ZNF207: variants seen among roughly 807,000 people sequenced by gnomAD.
The protein encoded by ZNF207 is BUB3-interacting and GLEBS motif-containing protein ZNF207.
Under a neutral mutation model 60.2 loss-of-function variants are expected in ZNF207, and 24 were observed. The observed-to-expected ratio is 0.40, with a 90% CI of 0.29 to 0.56. ZNF207 has a LOEUF of 0.56. Among genes scored for constraint, ZNF207 ranks in the 20% least tolerant of loss-of-function variants. The pLI is 0.49. For synonymous variants in ZNF207, 236 were observed against 194.7 expected (o/e 1.21, Z -1.77); for missense variants, 452 against 636.6 (o/e 0.71, Z 3.12).
intron 2 of ZNF207, among the ~76,000 whole-genome samples, chr17:32,357,349 TTA>T (rs1415331408): frequency 0.011 from 486 of 46,066 alleles, 11 homozygotes; most frequent in East Asian, 0.032. Flanking sequence ...ATTATTATTA[TTA>T]TTTTTTTTTT....
rs1359641447 is a variant in ZNF207 at position 32,381,266 on chromosome 17, G to GATA, written c.*11508_*11510dup. 2.0e-5 allele frequency: 3 copies of GATA among 152,184 alleles called. No individual in the cohort carries two copies. The highest frequency in any genetic ancestry group is 4.4e-5 in the Non-Finnish European group (3 of 68,024). The allele number at this position is 152,184 out of a possible 1,614,324, so 9.4% of individuals were successfully genotyped here. On this transcript the variant is annotated 3_prime_UTR_variant, in exon 12 of 12. Coordinates refer to ENST00000394670, the MANE Select transcript of ZNF207 (RefSeq NM_001098507.2). ...TATGTGAAGAGTAAGTCATACAAGG[G>GATA]ATATGATTGTAAGGAGGTCCTGAAC...
In ZNF207 at chr17:32,370,855, T is replaced by C. The variant is rs185095790; in HGVS notation, c.*1096T>C. The C allele has an allele frequency of 2.0e-5, 3 of 152,330 alleles. No homozygotes were observed. Among genetic ancestry groups the C allele is most frequent in the African/African-American group, 7.2e-5 (3 of 41,578 alleles). 9.4% of individuals were successfully genotyped at this position (152,330 alleles called of 1,614,324 possible). On this transcript the variant is annotated 3_prime_UTR_variant, in exon 12 of 12. Transcript: ENST00000394670. ...GTTAATGGGTTATTATATATTATTC[T>C]AAGTGTAATGCTGAGAATCTAAATG...
At chr17:32,357,446 T>G (rs978066248) in intron 2 of ZNF207, among the ~76,000 whole-genome samples, 1 of 150,688 alleles carries the variant, frequency 6.6e-6, no homozygotes, top group Non-Finnish European at 1.5e-5. Context: ...CCTCCCGTGT[T>G]CAAGCGATTC....
In ZNF207 at chr17:32,380,512, T is replaced by A. The variant is rs1344534185; in HGVS notation, c.*10753T>A. ...TTATTTCAGTGTCCCTTTTTAAAACTCGATGATGGCTTTCAGTTTATTTAA... is the reference window on the plus strand; with the variant it reads ...TTATTTCAGTGTCCCTTTTTAAAACACGATGATGGCTTTCAGTTTATTTAA... On this transcript the variant is annotated 3_prime_UTR_variant, in exon 12 of 12. Transcript: ENST00000394670. 6.6e-6 allele frequency: 1 copy of A among 152,212 alleles called. No individual in the cohort carries two copies. The highest frequency in any genetic ancestry group is 1.5e-5 in the Non-Finnish European group (1 of 68,038). 9.4% of individuals were successfully genotyped at this position (152,212 alleles called of 1,614,324 possible). A position where few individuals can be genotyped will look rare whatever the true frequency, so the allele number is the denominator to read the frequency against.
intron 1 of ZNF207, 169 bp downstream of exon 1, chr17:32,350,495 T>C: frequency 1.3e-6 from 1 of 798,256 alleles, no homozygotes; most frequent in Non-Finnish European, 2.1e-6. Context: ...GAAAATGGGG[T>C]TCCGAGGTCG....
chr17:32,351,649 A>G, intron 1 of ZNF207, 137 bp from the exon 2 acceptor site: 2 of 1,566,870 alleles, frequency 1.3e-6, no homozygotes, highest in Non-Finnish European at 8.6e-7. Flanking sequence ...CTAATTGTGT[A>G]ATAAATATAA....
At chr17:32,350,358 G>T in intron 1 of ZNF207, 32 bp downstream of exon 1, 1 of 1,613,842 alleles carries the variant, frequency 6.2e-7, no homozygotes, top group Non-Finnish European at 8.5e-7. Context: ...TCGAGGTCGC[G>T]TTGGGGTGCC....
Position 32,375,393 on chromosome 17 carries a change from T to C in ZNF207, c.*5634T>C, listed in dbSNP as rs1567832059. 1 of 152,154 alleles carries C rather than the reference T, an allele frequency of 6.6e-6. No homozygotes were observed. The highest frequency in any genetic ancestry group is 2.4e-5 in the African/African-American group (1 of 41,448). The allele number at this position is 152,154 out of a possible 1,614,324, so 9.4% of individuals were successfully genotyped here. On this transcript the variant is annotated 3_prime_UTR_variant, in exon 12 of 12. Coordinates refer to ENST00000394670, the MANE Select transcript of ZNF207 (RefSeq NM_001098507.2). Reference sequence around the variant, plus strand: ...TTGCTTATCTTAATTCTAATGGTGATAATTGAAAAAAGTGTGCTGGAAATA... The same window carrying C: ...TTGCTTATCTTAATTCTAATGGTGACAATTGAAAAAAGTGTGCTGGAAATA...
chr17:32,367,257 A>ATGTATATATATATG (rs1555608350), intron 9 of ZNF207, among the ~76,000 whole-genome samples: 1 of 95,874 alleles, frequency 1.0e-5, no homozygotes, highest in South Asian at 3.5e-4. Flanking sequence ...ATATATATAT[A>ATGTATATATATATG]TATATATATA....
At position 32,376,550 on chromosome 17, in the gene ZNF207, T is replaced by G. The variant is rs1905681370; in HGVS notation, c.*6791T>G. On this transcript the variant is annotated 3_prime_UTR_variant, in exon 12 of 12. Transcript: ENST00000394670. The stretch of plus-strand genomic sequence containing the variant: ...CATGTATTCTCAGGGGAAAATGTCT[T>G]TATTTTACTAAGCGGAAGTAGTAGT... 1 of 152,068 alleles carries G rather than the reference T, an allele frequency of 6.6e-6. No individual in the cohort carries two copies. The highest frequency in any genetic ancestry group is 1.5e-5 in the Non-Finnish European group (1 of 67,930). The allele number at this position is 152,068 out of a possible 1,614,324, so 9.4% of individuals were successfully genotyped here. A position where few individuals can be genotyped will look rare whatever the true frequency, so the allele number is the denominator to read the frequency against.
chr17:32,366,545 A>G (rs1905170693), intron 8 of ZNF207, 120 bp from the exon 9 acceptor site: 1 of 631,606 alleles, frequency 1.6e-6, no homozygotes, highest in African/African-American at 1.9e-5. Flanking sequence ...AATAAGTGAC[A>G]TTTGATTGCA....
chr17:32,364,793 A>G (rs948281586), intron 7 of ZNF207, among the ~76,000 whole-genome samples: 1 of 152,262 alleles, frequency 6.6e-6, no homozygotes, highest in African/African-American at 2.4e-5. Context: ...TTCCATATAC[A>G]TTATGTTGTG....
intron 9 of ZNF207, 119 bp downstream of exon 9, chr17:32,366,876 A>C: frequency 1.2e-6 from 1 of 838,734 alleles, no homozygotes; most frequent in Non-Finnish European, 1.7e-6. Flanking sequence ...TTTAAAGCAA[A>C]ATTAATGCTA....
Position 32,371,425 on chromosome 17 carries a change from A to G in ZNF207, c.*1666A>G, listed in dbSNP as rs1905457682. 1 of 152,274 alleles carries G rather than the reference A, an allele frequency of 6.6e-6. No individual in the cohort carries two copies. Among genetic ancestry groups the G allele is most frequent in the Admixed American group, 6.5e-5 (1 of 15,304 alleles). 9.4% of individuals were successfully genotyped at this position (152,274 alleles called of 1,614,324 possible). On this transcript the variant is annotated 3_prime_UTR_variant, in exon 12 of 12. Transcript: ENST00000394670. ...TGAAAGTCATACCTTTAAGCAAAAC[A>G]TTGCAAGTATTATAAAGCTGAATGC... is the stretch of plus-strand genomic sequence containing the variant.
intron 7 of ZNF207, 62 bp from the exon 8 acceptor site, chr17:32,365,268 G>A: frequency 6.5e-7 from 1 of 1,544,518 alleles, no homozygotes; most frequent in African/African-American, 1.4e-5. Flanking sequence ...TAGTATAGAA[G>A]CGTTTTTTTC....
Position 32,357,359 on chromosome 17 carries a change from T to A in ZNF207, c.169-1144T>A, listed in dbSNP as rs866639205. Among the ~76,000 whole-genome samples, 295 of 141,734 alleles carry A rather than the reference T, an allele frequency of 2.1e-3. 3 individuals carry two copies. Among genetic ancestry groups the A allele is most frequent in the African/African-American group, 7.3e-3 (274 of 37,644 alleles). 93.0% of individuals were successfully genotyped at this position (141,734 alleles called of 152,430 possible). A position where few individuals can be genotyped will look rare whatever the true frequency, so the allele number is the denominator to read the frequency against. ...TTATTATTATTATTATTATTTTTTT[T>A]TTTTTTTGAGACAGAATCTCGCTCT... On this transcript the variant is annotated intron_variant, in intron 2 of 11. Transcript: ENST00000394670.
intron 1 of ZNF207, 46 bp downstream of exon 1, chr17:32,350,372 T>G: frequency 1.9e-6 from 3 of 1,612,898 alleles, no homozygotes; most frequent in Non-Finnish European, 8.5e-7. Context: ...GGGTGCCGGT[T>G]GTTGGGGCCT....
At chr17:32,363,069 G>A in intron 7 of ZNF207, 85 bp downstream of exon 7, 2 of 1,288,906 alleles carry the variant, frequency 1.6e-6, no homozygotes, top group Non-Finnish European at 2.1e-6. Context: ...TTAGTATAAT[G>A]AAATTTAAAA....
intron 10 of ZNF207, chr17:32,368,239 T>A (rs968913093): frequency 1.7e-6 from 1 of 581,500 alleles, no homozygotes; most frequent in African/African-American, 1.9e-5. Context: ...TCCTCCAGAC[T>A]GTTTCTAAAA....
Sources: gnomAD v4.1 joint callset for allele counts (sites outside exome capture counted in the v4.1 genomes callset) on GRCh38, gnomAD v4.1.1 for gene constraint, MANE v1.5 for transcripts, NCBI Gene and HGNC (gene_info 2026-07-23, HGNC 2026-07-21) for gene names.